Variants in VDR observed in about 807,000 individuals in gnomAD.
VDR encodes vitamin D3 receptor.
In VDR, 19 loss-of-function variants were observed where a neutral mutation model predicts 39.7. The observed-to-expected ratio is 0.48, with a 90% CI of 0.33 to 0.70. The LOEUF (loss-of-function observed/expected upper bound fraction) is 0.70, where lower values mean the gene tolerates loss of function less well. Ranked by LOEUF, VDR falls within the 30% of genes least tolerant of loss-of-function variation. The pLI is 0.02. For missense variants in VDR, 442 were observed against 570.5 expected (o/e 0.77, Z 2.29); for synonymous variants, 242 against 215.8 (o/e 1.12, Z -1.07).
intron 7 of VDR, among the ~76,000 whole-genome samples, chr12:47,855,144 G>A (rs560174862): frequency 3.9e-5 from 6 of 152,218 alleles, no homozygotes; most frequent in East Asian, 3.9e-4. Context: ...CCTGGCCAAC[G>A]TGGTGAAACC....
intron 9 of VDR, 38 bp downstream of exon 9, chr12:47,846,297 C>A (rs1489735095): frequency 6.3e-7 from 1 of 1,586,528 alleles, no homozygotes; most frequent in East Asian, 2.2e-5. Flanking sequence ...ACTCCCCGCT[C>A]CCCAGGTCCC....
intron 3 of VDR, 123 bp downstream of exon 3, chr12:47,878,845 C>CG (rs1565627454): frequency 4.0e-6 from 6 of 1,492,024 alleles, no homozygotes; most frequent in Admixed American, 3.7e-5. Flanking sequence ...TGGCTGTGAG[C>CG]GCCGCATGTT....
intron 1 of VDR, among the ~76,000 whole-genome samples, chr12:47,895,607 T>TA (rs559384037): frequency 3.2e-4 from 49 of 151,680 alleles, no homozygotes; most frequent in African/African-American, 4.8e-4. Flanking sequence ...AGTTACCTGT[T>TA]AAAAAAAAAC....
At chr12:47,863,992 A>T (rs1236402057) in intron 4 of VDR, among the ~76,000 whole-genome samples, 2 of 151,518 alleles carry the variant, frequency 1.3e-5, no homozygotes. Flanking sequence ...ATCCCCAACC[A>T]CTCCAAACGG....
chr12:47,847,876 G>T (rs1223287042), intron 7 of VDR, among the ~76,000 whole-genome samples: 1 of 152,198 alleles, frequency 6.6e-6, no homozygotes, highest in African/African-American at 2.4e-5. Flanking sequence ...CTAAGTAGCT[G>T]GGACTACAGG....
intron 1 of VDR, among the ~76,000 whole-genome samples, chr12:47,900,896 G>A (rs150251501): frequency 3.6e-4 from 55 of 152,332 alleles, no homozygotes; most frequent in African/African-American, 1.3e-3. Context: ...TGTGCAGAAT[G>A]AGGACTTTGT....
At chr12:47,852,439 G>C (rs1162664762) in intron 7 of VDR, among the ~76,000 whole-genome samples, 1 of 152,246 alleles carries the variant, frequency 6.6e-6, no homozygotes, top group Non-Finnish European at 1.5e-5. Context: ...TGTGTTGTCA[G>C]TTCCAAAGAA....
chr12:47,865,499 C>A (rs1316381301), intron 3 of VDR, among the ~76,000 whole-genome samples: 7 of 151,998 alleles, frequency 4.6e-5, no homozygotes, highest in Admixed American at 4.6e-4. Context: ...GCAGGCTGGA[C>A]CTCCTGGGTT....
intron 7 of VDR, among the ~76,000 whole-genome samples, chr12:47,852,641 G>A (rs927359382): frequency 6.6e-6 from 1 of 152,190 alleles, no homozygotes; most frequent in Admixed American, 6.5e-5. Flanking sequence ...TAATTCCAGG[G>A]GAAGAGCATC....
chr12:47,882,958 C>T (rs567807430), intron 1 of VDR, 184 bp from the exon 2 acceptor site: 84 of 535,506 alleles, frequency 1.6e-4, no homozygotes, highest in African/African-American at 1.2e-3. Context: ...GTGGGGGTGG[C>T]GGCTGGGCAG....
chr12:47,856,569 A>G (rs1945491399), intron 6 of VDR, among the ~76,000 whole-genome samples: 1 of 151,686 alleles, frequency 6.6e-6, no homozygotes, highest in Non-Finnish European at 1.5e-5. Flanking sequence ...AAAGCAAGTC[A>G]TCAGATTGTA....
chr12:47,856,374 T>C (rs750627068), intron 6 of VDR, among the ~76,000 whole-genome samples: 3 of 152,112 alleles, frequency 2.0e-5, no homozygotes, highest in Non-Finnish European at 4.4e-5. Context: ...TAAGGGAAAA[T>C]TTCCGATAAG....
chr12:47,894,150 G>A (rs1946421038), intron 1 of VDR, among the ~76,000 whole-genome samples: 1 of 152,124 alleles, frequency 6.6e-6, no homozygotes, highest in East Asian at 1.9e-4. Context: ...AAACCACAGG[G>A]TACTTTCCAT....
chr12:47,892,080 T>C (rs1401799825), intron 1 of VDR, among the ~76,000 whole-genome samples: 1 of 152,234 alleles, frequency 6.6e-6, no homozygotes, highest in Non-Finnish European at 1.5e-5. Flanking sequence ...GGCCTGGACT[T>C]CTGGCTGCCC....
intron 1 of VDR, among the ~76,000 whole-genome samples, chr12:47,896,363 C>G (rs369856338): frequency 9.2e-5 from 14 of 152,170 alleles, no homozygotes; most frequent in African/African-American, 3.4e-4. Flanking sequence ...GGTCTACAGA[C>G]AAAACCATCT....
Position 47,844,551 on chromosome 12 carries a change from G to A in VDR, c.*195C>T. On this transcript the variant is annotated 3_prime_UTR_variant, in exon 10 of 10. Transcript: ENST00000549336. ...ACTCCTCATGGCTGAGGTCTCAAGG[G>A]ACCGGGGAAAAGCCCGCAGGAAAGG... 1 of 725,184 alleles carries A rather than the reference G, an allele frequency of 1.4e-6. No individual in the cohort carries two copies. 44.9% of individuals were successfully genotyped at this position (725,184 alleles called of 1,614,324 possible). A position where few individuals can be genotyped will look rare whatever the true frequency, so the allele number is the denominator to read the frequency against.
rs145438594 is a variant in VDR, at chr12:47,879,073, C to G, written c.41G>C (p.Gly14Ala). ...CCGGGGCACGTTCCGGTCAAAGTCT[C>G]CAGGGTCAGGCAGGGAAGTGCTGGC... ...MAASTSLPDPGDFDRNVPRIC... is the reference protein window; with the variant it reads ...MAASTSLPDPADFDRNVPRIC... Residue 14 changes from glycine (G) to alanine (A), a missense_variant, in exon 3 of 10, where the codon GGA (glycine) becomes GCA (alanine). This residue lies in a region of VDR where 141 missense variants were observed against 141.3 expected (regional missense o/e 1.00). Transcript: ENST00000549336. 2.5e-6 allele frequency: 4 copies of G among 1,614,068 alleles called. No homozygotes were observed. The African/African-American group carries it at 5.3e-5, about 22-fold the overall frequency.
At chr12:47,899,923 C>T in intron 1 of VDR, 2 of 985,610 alleles carry the variant, frequency 2.0e-6, no homozygotes, top group South Asian at 9.4e-5. Flanking sequence ...AGGCTAGAGT[C>T]CATTTCTCCG....
intron 3 of VDR, among the ~76,000 whole-genome samples, chr12:47,874,178 A>C (rs1473920373): frequency 6.6e-6 from 1 of 152,208 alleles, no homozygotes; most frequent in Non-Finnish European, 1.5e-5. Flanking sequence ...ACATCCATAG[A>C]TAACCCCACT....
Sources: gnomAD v4.1 joint callset for allele counts (sites outside exome capture counted in the v4.1 genomes callset) on GRCh38, gnomAD v4.1.1 for gene constraint, gnomAD v4.1.1 regional missense constraint, MANE v1.5 for transcripts, NCBI Gene and HGNC (gene_info 2026-07-23, HGNC 2026-07-21) for gene names.